The following RAD51D variants were observed in gnomAD, a reference collection of about 807,000 sequenced individuals.
The protein encoded by RAD51D is DNA repair protein RAD51 homolog 4.
In RAD51D, 38 loss-of-function variants were observed where a neutral mutation model predicts 44.1. The observed-to-expected ratio is 0.86, with a 90% CI of 0.67 to 1.13. RAD51D has a LOEUF of 1.13. RAD51D is among the 50% of genes most tolerant of loss of function. The pLI is 0.00. For synonymous variants in RAD51D, 141 were observed against 166.6 expected, an observed-to-expected ratio of 0.85 and a Z score of 1.18; for missense variants, 390 against 414.0, an observed-to-expected ratio of 0.94 and a Z score of 0.50.
At position 35,119,165 on chromosome 17, in the gene RAD51D, G is replaced by A. The variant is rs374725981; in HGVS notation, c.90C>T (p.Asp30=). 8 of 1,613,688 alleles carry A rather than the reference G, an allele frequency of 5.0e-6. No individual in the cohort carries two copies. In the African/African-American group the frequency reaches 5.3e-5, roughly 11 times the overall value. ...CCTCTTCCAGGTCTGCAGAAACCAGGTCCACCACTGAAAACAAAACACGTA... is the reference window on the plus strand; with the variant it reads ...CCTCTTCCAGGTCTGCAGAAACCAGATCCACCACTGAAAACAAAACACGTA... ...LRSHRIKTVV[D]LVSADLEEVA... is the part of the protein sequence containing the mutation. The change falls in exon 2 of 10, where the codon GAC becomes GAT. Residue 30 remains aspartate, a synonymous_variant. Coordinates refer to ENST00000345365, the MANE Select transcript of RAD51D (RefSeq NM_002878.4).
intron 3 of RAD51D, chr17:35,116,956 T>C: frequency 6.2e-7 from 1 of 1,613,912 alleles, no homozygotes; most frequent in South Asian, 1.1e-5. Flanking sequence ...AGAGCATTCC[T>C]GACCCCACTC....
rs563988932 is a variant in RAD51D at position 35,114,116 on chromosome 17, C to A, written c.263+4385G>T. 4.0e-3 allele frequency among the ~76,000 whole-genome samples: 603 copies of A among 151,992 alleles called. 3 individuals carry two copies. Among genetic ancestry groups the A allele is most frequent in the Non-Finnish European group, 6.8e-3 (462 of 67,974 alleles). Reference sequence around the variant, plus strand: ...TGAAACTCCGTCTCTACTAAAAATACAAAAAATTAGCTGGGCGTGGTGGCG... The same window carrying A: ...TGAAACTCCGTCTCTACTAAAAATAAAAAAAATTAGCTGGGCGTGGTGGCG... On this transcript the variant is annotated intron_variant, in intron 3 of 9. Coordinates refer to ENST00000345365, the MANE Select transcript of RAD51D (RefSeq NM_002878.4).
At position 35,096,344 on chromosome 17, in the gene RAD51D, C is replaced by G. The variant is rs1333120383; in HGVS notation, c.*4609G>C. 6.6e-6 allele frequency: 1 copy of G among 152,154 alleles called. No individual in the cohort carries two copies. The highest frequency in any genetic ancestry group is 2.4e-5 in the African/African-American group (1 of 41,426). The allele number at this position is 152,154 out of a possible 1,614,324, so 9.4% of individuals were successfully genotyped here. On this transcript the variant is annotated 3_prime_UTR_variant, in exon 10 of 10. Transcript: ENST00000345365. ...GCCACAGTTCCTGGCATGTTAACAC[C>G]TTGTTCTTTAAAGGACACACAGGAG...
Position 35,100,070 on chromosome 17 carries a change from TCTC to T in RAD51D, c.*880_*882del. ...AGCTGGCTCTATTTACTGTGCAAAT[TCTC>T]CTCTGTCTGTTTATGGGCAAGGCCA... On this transcript the variant is annotated 3_prime_UTR_variant, in exon 10 of 10. Transcript: ENST00000345365. 1 of 533,134 alleles carries T rather than the reference TCTC, an allele frequency of 1.9e-6. No individual in the cohort carries two copies. Among genetic ancestry groups the T allele is most frequent in the South Asian group, 1.5e-5 (1 of 65,172 alleles). The allele number at this position is 533,134 out of a possible 1,614,324, so 33.0% of individuals were successfully genotyped here.
At chr17:35,105,976 G>A (rs753318224) in intron 6 of RAD51D, among the ~76,000 whole-genome samples, 1 of 152,166 alleles carries the variant, frequency 6.6e-6, no homozygotes. Flanking sequence ...ACCATGAGGG[G>A]AAGAACAAGA....
intron 3 of RAD51D, among the ~76,000 whole-genome samples, chr17:35,111,417 A>G (rs1187023030): frequency 6.6e-6 from 1 of 151,918 alleles, no homozygotes; most frequent in Non-Finnish European, 1.5e-5. Flanking sequence ...AAATACAAAT[A>G]ACCAGGCATG....
At chr17:35,112,830 C>G (rs544742115) in intron 3 of RAD51D, among the ~76,000 whole-genome samples, 51 of 152,320 alleles carry the variant, frequency 3.3e-4, no homozygotes, top group Admixed American at 8.5e-4. Context: ...TCTTGCTCAT[C>G]TAGCTGAGAG....
At chr17:35,102,161 A>G (rs2091546742) in intron 8 of RAD51D, among the ~76,000 whole-genome samples, 1 of 151,760 alleles carries the variant, frequency 6.6e-6, no homozygotes. Flanking sequence ...CTCAGATGGT[A>G]TTTTTTATGT....
At chr17:35,112,372 A>G (rs531062544) in intron 3 of RAD51D, among the ~76,000 whole-genome samples, 161 of 151,770 alleles carry the variant, frequency 1.1e-3, no homozygotes, top group African/African-American at 3.8e-3. Flanking sequence ...CACCACGCCC[A>G]GCCATTTTGT....
At chr17:35,107,162 AG>A in intron 4 of RAD51D, 40 bp from the exon 5 acceptor site, 3 of 1,612,670 alleles carry the variant, frequency 1.9e-6, no homozygotes, top group Non-Finnish European at 2.5e-6. Flanking sequence ...CACTTCAGAG[AG>A]GGTCCAGATG....
chr17:35,111,980 T>G (rs2091683236), intron 3 of RAD51D, among the ~76,000 whole-genome samples: 1 of 152,238 alleles, frequency 6.6e-6, no homozygotes, highest in African/African-American at 2.4e-5. Context: ...TTAAAAATTT[T>G]CAGCATACAG....
Position 35,100,888 on chromosome 17 carries a change from G to A in RAD51D, c.*65C>T, listed in dbSNP as rs768964491. 2.6e-5 allele frequency: 35 copies of A among 1,371,544 alleles called. No individual in the cohort carries two copies. Among genetic ancestry groups the A allele is most frequent in the Non-Finnish European group, 1.9e-5 (18 of 960,250 alleles). 85.0% of individuals were successfully genotyped at this position (1,371,544 alleles called of 1,614,324 possible). On this transcript the variant is annotated 3_prime_UTR_variant, in exon 10 of 10. Transcript: ENST00000345365. ...TGCCAGGTGGCAGTAAACAGCAGGCGTTACTGGGAAGAAAAGTTGGGAGGG... is the reference window on the plus strand; with the variant it reads ...TGCCAGGTGGCAGTAAACAGCAGGCATTACTGGGAAGAAAAGTTGGGAGGG...
intron 3 of RAD51D, chr17:35,116,813 GTAACA>G (rs1389900227): frequency 7.1e-7 from 1 of 1,401,410 alleles, no homozygotes. Context: ...GATTTAAACA[GTAACA>G]TGCTCATTGG....
chr17:35,109,958 C>T (rs1424196144), intron 3 of RAD51D, among the ~76,000 whole-genome samples: 4 of 125,110 alleles, frequency 3.2e-5, no homozygotes, highest in East Asian at 5.1e-4. Context: ...TAAGCCACCA[C>T]GCCTGGCTTT....
At chr17:35,119,060 G>A (rs1597877519) in intron 2 of RAD51D, 51 bp downstream of exon 2, 2 of 1,560,606 alleles carry the variant, frequency 1.3e-6, no homozygotes, top group African/African-American at 2.7e-5. Flanking sequence ...GGCTTGGGAT[G>A]GACTTTTTAA....
intron 3 of RAD51D, among the ~76,000 whole-genome samples, chr17:35,107,749 T>C (rs984493625): frequency 7.1e-6 from 1 of 140,286 alleles, no homozygotes; most frequent in Non-Finnish European, 1.5e-5. Flanking sequence ...TTTTTTTTTT[T>C]TTTTTTTTTT....
In RAD51D at chr17:35,097,726, T is replaced by C. The variant is rs926052757; in HGVS notation, c.*3227A>G. On this transcript the variant is annotated 3_prime_UTR_variant, in exon 10 of 10. Transcript: ENST00000345365. ...TAATCATTACTGAGCTTCCATAATG[T>C]ATAAAGAGAAAAAGTGACAAAAAGT... 1.3e-5 allele frequency: 2 copies of C among 151,932 alleles called. No homozygotes were observed. Among genetic ancestry groups the C allele is most frequent in the African/African-American group, 4.8e-5 (2 of 41,334 alleles). The allele number at this position is 151,932 out of a possible 1,614,324, so 9.4% of individuals were successfully genotyped here.
intron 1 of RAD51D, 97 bp downstream of exon 1, chr17:35,119,435 C>G (rs1597878310): frequency 7.3e-7 from 1 of 1,368,802 alleles, no homozygotes; most frequent in Admixed American, 1.7e-5. Context: ...GGAGGGGAAG[C>G]GCCCTGCAGG....
intron 3 of RAD51D, among the ~76,000 whole-genome samples, chr17:35,115,802 G>A (rs1415695983): frequency 1.3e-4 from 19 of 151,444 alleles, no homozygotes; most frequent in African/African-American, 4.1e-4. Context: ...CCCTGGAGGC[G>A]GAGGTTGCAG....
Sources: allele counts gnomAD v4.1 joint callset (sites outside exome capture counted in the v4.1 genomes callset), GRCh38; gene constraint gnomAD v4.1.1; transcripts MANE v1.5; gene names NCBI Gene and HGNC (gene_info 2026-07-23, HGNC 2026-07-21).